Variants in USP19 observed in about 807,000 individuals in gnomAD.
The protein encoded by USP19 is ubiquitin carboxyl-terminal hydrolase 19.
In USP19, 40 loss-of-function variants were observed where a neutral mutation model predicts 144.8. The ratio of observed to expected loss-of-function variants is 0.28; its 90% CI spans 0.21 to 0.36. The LOEUF (loss-of-function observed/expected upper bound fraction) is 0.36, where lower values mean the gene tolerates loss of function less well. Ranked by LOEUF, USP19 falls within the 10% of genes least tolerant of loss-of-function variation. USP19 has a pLI of 1.00. For synonymous variants in USP19, 701 were observed against 709.3 expected, an observed-to-expected ratio of 0.99 and a Z score of 0.19; for missense variants, 1,518 against 1,822.5, an observed-to-expected ratio of 0.83 and a Z score of 3.04.
Position 49,119,278 on chromosome 3 carries a change from C to G in USP19, c.-133G>C, listed in dbSNP as rs895921291. 8 of 1,269,750 alleles carry G rather than the reference C, an allele frequency of 6.3e-6. No individual in the cohort carries two copies. The highest frequency in any genetic ancestry group is 6.4e-6 in the Non-Finnish European group (6 of 940,242). 78.7% of individuals were successfully genotyped at this position (1,269,750 alleles called of 1,614,324 possible). A position where few individuals can be genotyped will look rare whatever the true frequency, so the allele number is the denominator to read the frequency against. On this transcript the variant is annotated 5_prime_UTR_variant, in exon 2 of 27. Coordinates refer to ENST00000417901, the MANE Select transcript of USP19 (RefSeq NM_001199161.2). Reference sequence around the variant, plus strand: ...GCCAAATTCTCCAGCAAGGAACGGACAGCCTAATGGAAAGAAGCCAGTGAT... The same window carrying G: ...GCCAAATTCTCCAGCAAGGAACGGAGAGCCTAATGGAAAGAAGCCAGTGAT...
chr3:49,112,475 TG>T lies in USP19; in HGVS notation c.2646+13del. The T allele has an allele frequency of 1.2e-6, 2 of 1,613,608 alleles. No individual in the cohort carries two copies. The highest frequency in any genetic ancestry group is 1.7e-6 in the Non-Finnish European group (2 of 1,179,648). ...CCACCAGGGCGCTGTGCCATCAGGT[TG>T]GCCCCCACTCACCTGTTGCACCTCT... On this transcript the variant is annotated intron_variant, in intron 18 of 26. Coordinates refer to ENST00000417901, the MANE Select transcript of USP19 (RefSeq NM_001199161.2). The surrounding 1 kb of genome is among the most constrained non-coding windows in gnomAD (Gnocchi z 4.9).
In USP19 at chr3:49,108,455, T is replaced by C; in HGVS notation, c.4112A>G (p.Asp1371Gly). ...TAPERFAPPV[D>G]RPAPTYSNME... is the part of the protein sequence containing the mutation. ...GTTGCTGTAGGTGGGGGCTGGCCGA[T>C]CCACAGGGGGGGCGAAGCGTTCAGG... The change falls in exon 27 of 27, where the codon GAT becomes GGT. Residue 1371 changes from aspartate (D) to glycine (G), a missense_variant. Asp to Gly is a moderately conservative substitution (Grantham distance 94). Around this residue, in one of 5 missense-constraint regions of USP19, gnomAD observed 118 missense variants for 100.2 expected, o/e 1.18. Coordinates refer to ENST00000417901, the MANE Select transcript of USP19 (RefSeq NM_001199161.2). The surrounding 1 kb of genome is among the most constrained non-coding windows in gnomAD (Gnocchi z 4.8). The C allele has an allele frequency of 7.4e-7, 1 of 1,355,802 alleles. No individual in the cohort carries two copies. Among genetic ancestry groups the C allele is most frequent in the Non-Finnish European group, 9.6e-7 (1 of 1,042,594 alleles). The allele number at this position is 1,355,802 out of a possible 1,614,324, so 84.0% of individuals were successfully genotyped here.
rs1291722123 is a variant in USP19 at position 49,110,527 on chromosome 3, T to C, written c.3776A>G (p.Asn1259Ser). ...LPSYDLYAVI[N>S]HYGGMIGGHY... The stretch of plus-strand genomic sequence containing the variant: ...GCCACCAATCATGCCTCCATAGTGG[T>C]TGATGACAGCATATAGATCGTAGCT... The change falls in exon 25 of 27, where the codon AAC (asparagine) becomes AGC (serine). Residue 1259 changes from asparagine (N) to serine (S), a missense_variant. Physicochemically the swap from Asn to Ser is conservative, Grantham distance 46. Transcript: ENST00000417901. This position sits in a 1 kb window ranked among gnomAD's most constrained non-coding sequence, Gnocchi z 6.1. 5.6e-6 allele frequency: 9 copies of C among 1,614,154 alleles called. No individual in the cohort carries two copies. The highest frequency in any genetic ancestry group is 2.2e-5 in the East Asian group (1 of 44,884).
chr3:49,108,454 A>G lies in USP19; in HGVS notation c.4113T>C (p.Asp1371=). The stretch of plus-strand genomic sequence containing the variant: ...TGTTGCTGTAGGTGGGGGCTGGCCG[A>G]TCCACAGGGGGGGCGAAGCGTTCAG... ...TAPERFAPPV[D]RPAPTYSNME... The change falls in exon 27 of 27, where the codon GAT becomes GAC. Residue 1371 remains aspartate (D), a synonymous_variant. Transcript: ENST00000417901. The surrounding 1 kb of genome is among the most constrained non-coding windows in gnomAD (Gnocchi z 4.8). 1 of 1,360,944 alleles carries G rather than the reference A, an allele frequency of 7.3e-7. No individual in the cohort carries two copies. The highest frequency in any genetic ancestry group is 9.6e-7 in the Non-Finnish European group (1 of 1,045,460). The allele number at this position is 1,360,944 out of a possible 1,614,324, so 84.3% of individuals were successfully genotyped here.
rs934583758 is a variant in USP19, at chr3:49,108,953, C to T, written c.4039-425G>A. On this transcript the variant is annotated intron_variant, in intron 26 of 26. Coordinates refer to ENST00000417901, the MANE Select transcript of USP19 (RefSeq NM_001199161.2). The surrounding 1 kb of genome is among the most constrained non-coding windows in gnomAD (Gnocchi z 4.8). Reference sequence around the variant, plus strand: ...CCAGCTCACAGCAGCTGCCTGCAGGCGAGCTCATCTCCAGCGACTCTGGGA... The same window carrying T: ...CCAGCTCACAGCAGCTGCCTGCAGGTGAGCTCATCTCCAGCGACTCTGGGA... 5.0e-6 allele frequency: 8 copies of T among 1,604,734 alleles called. No homozygotes were observed. The African/African-American group carries it at 6.7e-5, about 13-fold the overall frequency.
chr3:49,108,947 T>C lies in USP19; in HGVS notation c.4039-419A>G, dbSNP rs752971498. ...GGTAGGCCAGCTCACAGCAGCTGCC[T>C]GCAGGCGAGCTCATCTCCAGCGACT... On this transcript the variant is annotated intron_variant, in intron 26 of 26. Coordinates refer to ENST00000417901, the MANE Select transcript of USP19 (RefSeq NM_001199161.2). This position sits in a 1 kb window ranked among gnomAD's most constrained non-coding sequence, Gnocchi z 4.8. 3.7e-6 allele frequency: 6 copies of C among 1,602,758 alleles called. No individual in the cohort carries two copies. In the East Asian group the frequency reaches 6.7e-5, roughly 18 times the overall value.
In USP19 at chr3:49,108,360, G is replaced by A; in HGVS notation, c.*52C>T. On this transcript the variant is annotated 3_prime_UTR_variant, in exon 27 of 27. Transcript: ENST00000417901. This position sits in a 1 kb window ranked among gnomAD's most constrained non-coding sequence, Gnocchi z 4.8. ...GAGAAGGAGAAGCGGCAAGGAGCTGGCCCTCTGTGTGGGTGTCCCAAACCC... is the reference window on the plus strand; with the variant it reads ...GAGAAGGAGAAGCGGCAAGGAGCTGACCCTCTGTGTGGGTGTCCCAAACCC... 1.6e-6 allele frequency: 1 copy of A among 637,376 alleles called. No homozygotes were observed. Among genetic ancestry groups the A allele is most frequent in the South Asian group, 2.5e-5 (1 of 40,790 alleles). The allele number at this position is 637,376 out of a possible 1,614,324, so 39.5% of individuals were successfully genotyped here.
rs760442179 is a variant in USP19 at position 49,114,228 on chromosome 3, T to C, written c.2349A>G (p.Gln783=). 6.2e-7 allele frequency: 1 copy of C among 1,614,198 alleles called. No homozygotes were observed. The highest frequency in any genetic ancestry group is 8.5e-7 in the Non-Finnish European group (1 of 1,180,026). The part of the protein sequence containing the change: ...LYLPVPLPQK[Q]KVLPVFYFAR... ...CAAAATAAAAGACAGGGAGAACCTT[T>C]TGCTTTTGTGGCAAGGGCACCGGCA... Residue 783 remains glutamine (Q), a synonymous_variant, in exon 16 of 27, where the codon CAA becomes CAG. Coordinates refer to ENST00000417901, the MANE Select transcript of USP19 (RefSeq NM_001199161.2). This position sits in a 1 kb window ranked among gnomAD's most constrained non-coding sequence, Gnocchi z 4.5.
In USP19 at chr3:49,119,031, G is replaced by T; in HGVS notation, c.115C>A (p.Pro39Thr). ...GGAATGCCACTCCCACCTTTCCTAGGATCTCCATCCTTGCTCTCCTGGTTT... is the reference window on the plus strand; with the variant it reads ...GGAATGCCACTCCCACCTTTCCTAGTATCTCCATCCTTGCTCTCCTGGTTT... ...RANQESKDGD[P>T]RKETGSRYVA... Residue 39 changes from proline to threonine, a missense_variant, in exon 2 of 27, where the codon CCT (proline) becomes ACT (threonine). By Grantham distance (38) the Pro-to-Thr change is conservative. This residue lies in a region of USP19 where 707 missense variants were observed against 728.9 expected (regional missense o/e 0.97). Transcript: ENST00000417901. 1 of 1,614,088 alleles carries T rather than the reference G, an allele frequency of 6.2e-7. No homozygotes were observed. The highest frequency in any genetic ancestry group is 1.1e-5 in the South Asian group (1 of 91,068).
chr3:49,112,746 T>C lies in USP19; in HGVS notation c.2506-117A>G. On this transcript the variant is annotated intron_variant, in intron 17 of 26. Coordinates refer to ENST00000417901, the MANE Select transcript of USP19 (RefSeq NM_001199161.2). The surrounding 1 kb of genome is among the most constrained non-coding windows in gnomAD (Gnocchi z 4.9). ...TCTATGTGGGCAGTGGTGAGGTCTG[T>C]AGGCCCAAATAGGCTTATGCCTCTG... 2 of 1,359,504 alleles carry C rather than the reference T, an allele frequency of 1.5e-6. No homozygotes were observed. Among genetic ancestry groups the C allele is most frequent in the Non-Finnish European group, 2.0e-6 (2 of 1,014,252 alleles). The allele number at this position is 1,359,504 out of a possible 1,614,324, so 84.2% of individuals were successfully genotyped here.
chr3:49,117,924 C>G lies in USP19; in HGVS notation c.298+23G>C. ...AGTGCCCCCTCCCCTTCCCTAGCAACAAAAAGCCCATTCGTTACTGACCCT... is the reference window on the plus strand; with the variant it reads ...AGTGCCCCCTCCCCTTCCCTAGCAAGAAAAAGCCCATTCGTTACTGACCCT... On this transcript the variant is annotated intron_variant, in intron 3 of 26. Coordinates refer to ENST00000417901, the MANE Select transcript of USP19 (RefSeq NM_001199161.2). This position sits in a 1 kb window ranked among gnomAD's most constrained non-coding sequence, Gnocchi z 4.4. 1 of 1,611,998 alleles carries G rather than the reference C, an allele frequency of 6.2e-7. No individual in the cohort carries two copies. The highest frequency in any genetic ancestry group is 8.5e-7 in the Non-Finnish European group (1 of 1,179,522).
chr3:49,117,033 C>T lies in USP19; in HGVS notation c.909+26G>A, dbSNP rs774435512. On this transcript the variant is annotated intron_variant, in intron 6 of 26. Transcript: ENST00000417901. This position sits in a 1 kb window ranked among gnomAD's most constrained non-coding sequence, Gnocchi z 4.4. ...CACACCCTTTCCCCCCATCTCCTAA[C>T]ACCCAAACAGGTGCCCAGCTCTCAC... is the stretch of plus-strand genomic sequence containing the variant. The T allele has an allele frequency of 2.0e-6, 3 of 1,525,490 alleles. No individual in the cohort carries two copies. Among genetic ancestry groups the T allele is most frequent in the African/African-American group, 1.4e-5 (1 of 72,614 alleles). The allele number at this position is 1,525,490 out of a possible 1,614,324, so 94.5% of individuals were successfully genotyped here.
intron 2 of USP19, 92 bp downstream of exon 2, chr3:49,118,930 G>A (rs1204258973): frequency 2.7e-5 from 43 of 1,571,840 alleles, no homozygotes; most frequent in Non-Finnish European, 3.5e-5. Context: ...ACAGAGAGAA[G>A]AACAAGAAAG....
rs1166427455 is a variant in USP19, at chr3:49,110,989, A to C, written c.3506T>G (p.Leu1169Arg). 4 of 1,613,844 alleles carry C rather than the reference A, an allele frequency of 2.5e-6. No individual in the cohort carries two copies. Among genetic ancestry groups the C allele is most frequent in the Non-Finnish European group, 3.4e-6 (4 of 1,179,994 alleles). The change falls in exon 23 of 27, where the codon CTC (leucine) becomes CGC (arginine). Residue 1169 changes from leucine (L) to arginine (R), a missense_variant. By Grantham distance (102) the Leu-to-Arg change is moderately radical. Coordinates refer to ENST00000417901, the MANE Select transcript of USP19 (RefSeq NM_001199161.2). This position sits in a 1 kb window ranked among gnomAD's most constrained non-coding sequence, Gnocchi z 6.1. ...GHFTLDQCLN[L>R]FTRPEVLAPE... ...TGCCAGCACCTCAGGCCGTGTGAAG[A>C]GGTTGAGGCACTGGTCCAGGGTGAA...
At position 49,115,315 on chromosome 3, in the gene USP19, A is replaced by C. The variant is rs2043897224; in HGVS notation, c.1935T>G (p.Thr645=). The C allele has an allele frequency of 1.9e-6, 3 of 1,614,184 alleles. No individual in the cohort carries two copies. The highest frequency in any genetic ancestry group is 1.3e-5 in the African/African-American group (1 of 75,052). The change falls in exon 13 of 27, where the codon ACT becomes ACG. Residue 645 remains threonine (T), a synonymous_variant. Transcript: ENST00000417901. This position sits in a 1 kb window ranked among gnomAD's most constrained non-coding sequence, Gnocchi z 6.6. ...CAAAGCCAATGGCCAGACGCCCACC[A>C]GTCCCTAGTGGGTTGTTGTAGTTGA... The part of the protein sequence containing the change: ...AEINYNNPLG[T]GGRLAIGFAV...
chr3:49,108,996 C>T lies in USP19; in HGVS notation c.4039-468G>A, dbSNP rs1277625389. 21 of 1,613,450 alleles carry T rather than the reference C, an allele frequency of 1.3e-5. No homozygotes were observed. Among genetic ancestry groups the T allele is most frequent in the East Asian group, 6.7e-5 (3 of 44,862 alleles). On this transcript the variant is annotated intron_variant, in intron 26 of 26. Transcript: ENST00000417901. The surrounding 1 kb of genome is among the most constrained non-coding windows in gnomAD (Gnocchi z 4.8). Reference sequence around the variant, plus strand: ...CTCTGGGATACCAGAGGATAGAACACGTTGAGCACGAGGGCCACCAAAGCC... The same window carrying T: ...CTCTGGGATACCAGAGGATAGAACATGTTGAGCACGAGGGCCACCAAAGCC...
chr3:49,110,128 G>C lies in USP19; in HGVS notation c.4038+56C>G. On this transcript the variant is annotated intron_variant, in intron 26 of 26. Transcript: ENST00000417901. This position sits in a 1 kb window ranked among gnomAD's most constrained non-coding sequence, Gnocchi z 6.1. ...GAGAGGAAGCTATATCCCCCAACCC[G>C]GCCCCAGTCTGTGAACTGTCCCCCA... is the stretch of plus-strand genomic sequence containing the variant. 3 of 1,445,534 alleles carry C rather than the reference G, an allele frequency of 2.1e-6. No homozygotes were observed. Among genetic ancestry groups the C allele is most frequent in the Non-Finnish European group, 2.7e-6 (3 of 1,101,756 alleles). The allele number at this position is 1,445,534 out of a possible 1,614,324, so 89.5% of individuals were successfully genotyped here.
chr3:49,112,148 C>G lies in USP19; in HGVS notation c.2766-100G>C. On this transcript the variant is annotated intron_variant, in intron 19 of 26. Transcript: ENST00000417901. This position sits in a 1 kb window ranked among gnomAD's most constrained non-coding sequence, Gnocchi z 4.9. ...TCCCTGGGAACTGGGTACGCCAGCC[C>G]TGCCTCCCCCAGAGCCTGGTAAAGT... 2 of 1,551,586 alleles carry G rather than the reference C, an allele frequency of 1.3e-6. No individual in the cohort carries two copies. Among genetic ancestry groups the G allele is most frequent in the South Asian group, 1.2e-5 (1 of 83,044 alleles).
Position 49,111,775 on chromosome 3 carries a change from C to T in USP19, c.2942G>A (p.Gly981Asp). Residue 981 changes from glycine to aspartate, a missense_variant, in exon 21 of 27, where the codon GGC becomes GAC. Physicochemically the swap from Gly to Asp is moderately conservative, Grantham distance 94. Coordinates refer to ENST00000417901, the MANE Select transcript of USP19 (RefSeq NM_001199161.2). The surrounding 1 kb of genome is among the most constrained non-coding windows in gnomAD (Gnocchi z 5.9). Reference sequence around the variant, plus strand: ...GCTCTGAGACTCCAAGGCCATGCGGCCTGGCTGAAAGGGTGGCTGGAATAC... The same window carrying T: ...GCTCTGAGACTCCAAGGCCATGCGGTCTGGCTGAAAGGGTGGCTGGAATAC... ...VSVFQPPFQPGRMALESQSPG... is the reference protein window; with the variant it reads ...VSVFQPPFQPDRMALESQSPG... The T allele has an allele frequency of 6.4e-7, 1 of 1,554,632 alleles. No individual in the cohort carries two copies. Among genetic ancestry groups the T allele is most frequent in the Non-Finnish European group, 8.7e-7 (1 of 1,148,866 alleles).
Sources: gnomAD v4.1 joint callset for allele counts on GRCh38, gnomAD v4.1.1 for gene constraint, gnomAD v4.1.1 regional missense constraint, Gnocchi (gnomAD v3.1) non-coding constraint, MANE v1.5 for transcripts, NCBI Gene and HGNC (gene_info 2026-07-23, HGNC 2026-07-21) for gene names.